ITSN2: variants seen among roughly 807,000 people sequenced by gnomAD.
The protein encoded by ITSN2 is intersectin-2.
In ITSN2, 156 loss-of-function variants were observed where a neutral mutation model predicts 243.7. That is an observed-to-expected ratio of 0.64 (90% CI 0.56 to 0.73). The LOEUF (loss-of-function observed/expected upper bound fraction) is 0.73. ITSN2 is among the 30% of genes least tolerant of loss of function. The probability of loss-of-function intolerance (pLI) is 0.00; values close to 1 mark genes in which losing one functional copy is unlikely to be tolerated. For missense variants in ITSN2, 1,801 were observed against 1,996.1 expected (o/e 0.90, Z 1.86); for synonymous variants, 703 against 699.9 (o/e 1.00, Z -0.07).
intron 17 of ITSN2, among the ~76,000 whole-genome samples, chr2:24,280,559 G>A (rs779738209): frequency 2.0e-5 from 3 of 151,990 alleles, no homozygotes; most frequent in Non-Finnish European, 4.4e-5. Context: ...TGATCCCTCC[G>A]GATACTACTT....
At chr2:24,282,990 A>C in intron 17 of ITSN2, among the ~76,000 whole-genome samples, 1 of 144,568 alleles carries the variant, frequency 6.9e-6, no homozygotes. Context: ...TTTTCTCTTT[A>C]CTATTTCCTT....
chr2:24,260,085 T>C (rs1675613244), intron 22 of ITSN2, among the ~76,000 whole-genome samples: 1 of 152,280 alleles, frequency 6.6e-6, no homozygotes, highest in Admixed American at 6.5e-5. Flanking sequence ...TATGCCCGGC[T>C]AATTTTTAAA....
At chr2:24,217,547 A>T (rs1440976413) in intron 31 of ITSN2, among the ~76,000 whole-genome samples, 1 of 152,124 alleles carries the variant, frequency 6.6e-6, no homozygotes, top group Non-Finnish European at 1.5e-5. Flanking sequence ...GGGGATAGAG[A>T]CTTAGGAGGC....
chr2:24,284,159 A>AAATGG (rs1679175185), intron 17 of ITSN2, among the ~76,000 whole-genome samples: 1 of 152,224 alleles, frequency 6.6e-6, no homozygotes. Flanking sequence ...AGCTCTATTA[A>AAATGG]AATATTTTTA....
At chr2:24,253,367 G>A (rs1184360136) in intron 24 of ITSN2, among the ~76,000 whole-genome samples, 2 of 152,136 alleles carry the variant, frequency 1.3e-5, no homozygotes, top group East Asian at 3.8e-4. Context: ...TAAAAGTCGG[G>A]TCCTTTCCAA....
At chr2:24,349,535 G>A (rs1184094022) in intron 1 of ITSN2, among the ~76,000 whole-genome samples, 1 of 152,118 alleles carries the variant, frequency 6.6e-6, no homozygotes, top group Non-Finnish European at 1.5e-5. Context: ...GTGTTCCATA[G>A]CTTAAATGTT....
At chr2:24,298,141 C>G (rs1211958020) in intron 13 of ITSN2, among the ~76,000 whole-genome samples, 1 of 151,638 alleles carries the variant, frequency 6.6e-6, no homozygotes, top group African/African-American at 2.4e-5. Context: ...CCCACCACCA[C>G]CCACCACGGC....
intron 16 of ITSN2, among the ~76,000 whole-genome samples, chr2:24,285,627 G>A (rs1260245977): frequency 1.3e-5 from 2 of 152,178 alleles, no homozygotes; most frequent in Non-Finnish European, 2.9e-5. Context: ...TGGCTTCAGT[G>A]TACAATGAAT....
rs780044890 is a variant in ITSN2, at chr2:24,217,973, T to A, written c.3740A>T (p.Glu1247Val). The stretch of plus-strand genomic sequence containing the variant: ...AACAAAAATCAGGGCCATCTCCCCT[T>A]CAGTGAGAAAGCCTGACTCTGCCAT... ...KRMAESGFLT[E>V]GEMALIFVNW... The change falls in exon 31 of 40, where the codon GAA (glutamate) becomes GTA (valine). Residue 1247 changes from glutamate to valine, a missense_variant. By Grantham distance (121) the Glu-to-Val change is moderately radical (BLOSUM62 -2). Coordinates refer to ENST00000355123, the MANE Select transcript of ITSN2 (RefSeq NM_006277.3). The A allele has an allele frequency of 3.1e-6, 5 of 1,614,088 alleles. No individual in the cohort carries two copies. The highest frequency in any genetic ancestry group is 3.3e-5 in the Admixed American group (2 of 60,014).
At chr2:24,316,615 T>C (rs1351424075) in intron 2 of ITSN2, among the ~76,000 whole-genome samples, 1 of 152,236 alleles carries the variant, frequency 6.6e-6, no homozygotes, top group East Asian at 1.9e-4. Context: ...GGAATAATTT[T>C]AGATTTACAG....
At chr2:24,256,102 T>C (rs1436281867) in intron 23 of ITSN2, among the ~76,000 whole-genome samples, 1 of 152,006 alleles carries the variant, frequency 6.6e-6, no homozygotes, top group East Asian at 1.9e-4. Flanking sequence ...TGGATGCCTG[T>C]AATCCCAGCT....
intron 10 of ITSN2, 148 bp downstream of exon 10, chr2:24,301,817 C>T: frequency 1.4e-6 from 1 of 723,902 alleles, no homozygotes; most frequent in Admixed American, 3.6e-5. Flanking sequence ...GCTGCCACGC[C>T]TGGCCCACAC....
chr2:24,283,521 T>C (rs889006274), intron 17 of ITSN2, among the ~76,000 whole-genome samples: 2 of 152,224 alleles, frequency 1.3e-5, no homozygotes, highest in Non-Finnish European at 2.9e-5. Context: ...CCACTGCGCC[T>C]GGCCAATATT....
intron 1 of ITSN2, among the ~76,000 whole-genome samples, chr2:24,357,496 G>A (rs528786503): frequency 1.3e-5 from 2 of 152,152 alleles, no homozygotes; most frequent in African/African-American, 4.8e-5. Flanking sequence ...GAGGGAAGGG[G>A]ACTTAGAGGA....
At chr2:24,270,014 C>G (rs1003497201) in intron 20 of ITSN2, among the ~76,000 whole-genome samples, 24 of 152,140 alleles carry the variant, frequency 1.6e-4, no homozygotes, top group African/African-American at 5.8e-4. Flanking sequence ...TCCCTAGTAT[C>G]ATTAAACATT....
chr2:24,330,037 C>T (rs1882272), intron 1 of ITSN2, among the ~76,000 whole-genome samples: 174 of 152,306 alleles, frequency 1.1e-3, no homozygotes, highest in African/African-American at 4.0e-3. Context: ...GGCCCTTATT[C>T]ATTAGTTTTC....
intron 29 of ITSN2, among the ~76,000 whole-genome samples, chr2:24,245,343 T>C (rs1033643284): frequency 1.3e-5 from 2 of 152,232 alleles, no homozygotes; most frequent in Admixed American, 6.5e-5. Flanking sequence ...AACAGTCAAA[T>C]ATTTAATTTT....
At chr2:24,322,954 TG>T (rs1684756978) in intron 2 of ITSN2, among the ~76,000 whole-genome samples, 1 of 151,926 alleles carries the variant, frequency 6.6e-6, no homozygotes, top group Non-Finnish European at 1.5e-5. Context: ...AATAAGCACG[TG>T]ACAAGATGCT....
intron 37 of ITSN2, chr2:24,206,370 C>T (rs779658172): frequency 4.4e-5 from 11 of 251,958 alleles, no homozygotes; most frequent in Admixed American, 6.0e-5. Context: ...GGGGGCCCGG[C>T]GGGAAGGAAG....
Sources: gnomAD v4.1 joint callset for allele counts (sites outside exome capture counted in the v4.1 genomes callset) on GRCh38, gnomAD v4.1.1 for gene constraint, MANE v1.5 for transcripts, NCBI Gene and HGNC (gene_info 2026-07-23, HGNC 2026-07-21) for gene names.